HMCN1: variants seen among roughly 807,000 people sequenced by gnomAD.
HMCN1 encodes hemicentin 1, also known as hemicentin-1.
A neutral mutation model predicts 625.9 loss-of-function variants in HMCN1; 321 were observed. The ratio of observed to expected loss-of-function variants is 0.51; its 90% CI spans 0.47 to 0.56. The LOEUF (loss-of-function observed/expected upper bound fraction) is 0.56, where lower values mean the gene tolerates loss of function less well. Ranked by LOEUF, HMCN1 falls within the 20% of genes least tolerant of loss-of-function variation. HMCN1 has a pLI of 0.00. For missense variants in HMCN1, 6,588 were observed against 6,887.3 expected (o/e 0.96, Z 1.54); for synonymous variants, 2,425 against 2,417.6 (o/e 1.00, Z -0.09).
chr1:185,947,076 C>T (rs763918469), intron 11 of HMCN1, among the ~76,000 whole-genome samples: 15 of 151,976 alleles, frequency 9.9e-5, no homozygotes, highest in Non-Finnish European at 1.3e-4. Context: ...TTGTGGGGGG[C>T]GGGTAAATCC....
rs770081541 is a variant in HMCN1, at chr1:186,166,849, G to C, written c.15481G>C (p.Gly5161Arg). Reference protein sequence around the residue: ...CALGRHTCHAGQDCDNTIGSY... With the variant: ...CALGRHTCHARQDCDNTIGSY... ...TTTGGGTAGGCATACCTGCCACGCT[G>C]GTCAGGACTGTGACAATACGATTGG... Residue 5161 changes from glycine to arginine, a missense_variant, in exon 100 of 107, where the codon GGT becomes CGT. Physicochemically the swap from Gly to Arg is moderately radical, Grantham distance 125 (BLOSUM62 -2). Coordinates refer to ENST00000271588, the MANE Select transcript of HMCN1 (RefSeq NM_031935.3). 1 of 1,614,136 alleles carries C rather than the reference G, an allele frequency of 6.2e-7. No individual in the cohort carries two copies. The highest frequency in any genetic ancestry group is 1.1e-5 in the South Asian group (1 of 91,074).
chr1:186,042,337 T>C (rs555966613), intron 40 of HMCN1, among the ~76,000 whole-genome samples: 2 of 152,298 alleles, frequency 1.3e-5, no homozygotes, highest in East Asian at 3.9e-4. Flanking sequence ...CCTTTGAGAC[T>C]GATTCATCAA....
intron 101 of HMCN1, 110 bp from the exon 102 acceptor site, chr1:186,171,896 G>A (rs1019236478): frequency 3.3e-6 from 3 of 898,992 alleles, no homozygotes; most frequent in Non-Finnish European, 3.5e-6. Context: ...CAATGATTAT[G>A]CAATGAATGT....
intron 71 of HMCN1, 60 bp from the exon 72 acceptor site, chr1:186,112,752 T>C: frequency 3.8e-6 from 6 of 1,597,372 alleles, no homozygotes; most frequent in Non-Finnish European, 5.1e-6. Context: ...TGCTGTGAAA[T>C]AATATTTATT....
intron 2 of HMCN1, among the ~76,000 whole-genome samples, chr1:185,848,842 A>G (rs1231561876): frequency 6.6e-6 from 1 of 152,224 alleles, no homozygotes; most frequent in Non-Finnish European, 1.5e-5. Context: ...AATACCTTTT[A>G]AATCAATTGA....
At chr1:186,003,304 A>G (rs1020928544) in intron 28 of HMCN1, among the ~76,000 whole-genome samples, 1 of 152,198 alleles carries the variant, frequency 6.6e-6, no homozygotes, top group Non-Finnish European at 1.5e-5. Flanking sequence ...GACAAAGGTA[A>G]TATATTTCAA....
intron 42 of HMCN1, among the ~76,000 whole-genome samples, chr1:186,050,976 G>A (rs1656911301): frequency 6.6e-6 from 1 of 151,992 alleles, no homozygotes. Context: ...GTTTAACTGA[G>A]CCCTTAAGGA....
intron 25 of HMCN1, among the ~76,000 whole-genome samples, chr1:185,999,272 A>G (rs1015257699): frequency 6.6e-5 from 10 of 151,910 alleles, no homozygotes; most frequent in Non-Finnish European, 1.2e-4. Flanking sequence ...TAATTTTTTT[A>G]AATGCTTAGA....
chr1:185,852,602 A>ACG (rs1186121420), intron 2 of HMCN1, among the ~76,000 whole-genome samples: 1 of 151,036 alleles, frequency 6.6e-6, no homozygotes, highest in Admixed American at 6.6e-5. Flanking sequence ...ACACACACAC[A>ACG]CACACACACA....
chr1:185,845,967 G>A (rs1038004174), intron 1 of HMCN1, 59 bp from the exon 2 acceptor site: 3 of 1,083,766 alleles, frequency 2.8e-6, no homozygotes, highest in East Asian at 2.4e-5. Flanking sequence ...ATAAACACAA[G>A]AAAGTCTTTA....
intron 15 of HMCN1, among the ~76,000 whole-genome samples, chr1:185,975,602 T>A (rs1044555672): frequency 5.3e-5 from 8 of 152,132 alleles, no homozygotes; most frequent in Non-Finnish European, 1.0e-4. Context: ...CCAAACCGTA[T>A]CACTTAGAAT....
intron 63 of HMCN1, among the ~76,000 whole-genome samples, chr1:186,089,371 T>G (rs894353597): frequency 7.2e-5 from 11 of 152,208 alleles, no homozygotes; most frequent in African/African-American, 2.6e-4. Flanking sequence ...GAAATACTTT[T>G]TCTTCCAATC....
intron 1 of HMCN1, among the ~76,000 whole-genome samples, chr1:185,844,538 C>A (rs1661690753): frequency 6.6e-6 from 1 of 152,134 alleles, no homozygotes; most frequent in African/African-American, 2.4e-5. Context: ...GAGTTATAAG[C>A]TCTTTTTGAG....
chr1:186,087,868 C>T (rs554621070), intron 60 of HMCN1, 64 bp from the exon 61 acceptor site: 16 of 1,422,870 alleles, frequency 1.1e-5, no homozygotes, highest in South Asian at 9.2e-5. Flanking sequence ...AATCTAAACT[C>T]GAACAGTATG....
At chr1:186,044,043 T>G (rs535182856) in intron 40 of HMCN1, among the ~76,000 whole-genome samples, 8 of 152,214 alleles carry the variant, frequency 5.3e-5, no homozygotes, top group African/African-American at 1.9e-4. Context: ...ATCATGCCAT[T>G]GCACTCCAGC....
At chr1:186,177,902 G>A (rs1652699054) in intron 103 of HMCN1, among the ~76,000 whole-genome samples, 1 of 151,372 alleles carries the variant, frequency 6.6e-6, no homozygotes, top group South Asian at 2.1e-4. Flanking sequence ...TTTTCCAGAG[G>A]AAGATACACA....
In HMCN1 at chr1:186,189,650, T is replaced by G. The variant is rs1486849979; in HGVS notation, c.16680T>G (p.Asp5560Glu). ...TCCGGCTGGTTGCATACACACAGGA[T>G]GGAGTGATGCATCCCAGGACAACTT... Reference protein sequence around the residue: ...DLIRLVAYTQDGVMHPRTTFL... With the variant: ...DLIRLVAYTQEGVMHPRTTFL... Residue 5560 changes from aspartate (D) to glutamate (E), a missense_variant, in exon 107 of 107, where the codon GAT (aspartate) becomes GAG (glutamate). Coordinates refer to ENST00000271588, the MANE Select transcript of HMCN1 (RefSeq NM_031935.3). 6.2e-7 allele frequency: 1 copy of G among 1,612,282 alleles called. No homozygotes were observed. Among genetic ancestry groups the G allele is most frequent in the Admixed American group, 1.7e-5 (1 of 59,908 alleles).
chr1:186,060,633 T>C (rs958976553), intron 46 of HMCN1, among the ~76,000 whole-genome samples: 2 of 152,134 alleles, frequency 1.3e-5, no homozygotes, highest in Admixed American at 6.6e-5. Context: ...GCAAAAGCAG[T>C]GTATCACTAG....
At chr1:186,118,013 A>T (rs184332256) in intron 77 of HMCN1, among the ~76,000 whole-genome samples, 1 of 152,150 alleles carries the variant, frequency 6.6e-6, no homozygotes, top group Admixed American at 6.6e-5. Context: ...GACAGGATAT[A>T]TACTCTACTA....
Sources: gnomAD v4.1 joint callset for allele counts (sites outside exome capture counted in the v4.1 genomes callset) on GRCh38, gnomAD v4.1.1 for gene constraint, MANE v1.5 for transcripts, NCBI Gene and HGNC (gene_info 2026-07-23, HGNC 2026-07-21) for gene names.